The following KANK4 variants were observed in gnomAD, a reference collection of about 807,000 sequenced individuals.
The protein encoded by KANK4 is KN motif and ankyrin repeat domains 4.
KANK4 carries 50 observed loss-of-function variants against 80.8 expected under a neutral mutation model. That is an observed-to-expected ratio of 0.62 (90% confidence interval 0.49 to 0.78). The LOEUF (loss-of-function observed/expected upper bound fraction) is 0.78, where lower values mean the gene tolerates loss of function less well. Among genes scored for constraint, KANK4 ranks in the 30% least tolerant of loss-of-function variants. The pLI is 0.00. For synonymous variants in KANK4, 465 were observed against 506.9 expected (o/e 0.92, Z 1.11); for missense variants, 1,196 against 1,240.1 (o/e 0.96, Z 0.53).
In KANK4 at chr1:62,253,171, T is replaced by A. The variant is rs1180938886; in HGVS notation, c.2578A>T (p.Thr860Ser). Residue 860 changes from threonine (T) to serine (S), a missense_variant, in exon 8 of 10, where the codon ACT (threonine) becomes TCT (serine). Thr to Ser is a moderately conservative substitution (Grantham distance 58, BLOSUM62 1). This residue lies in a region of KANK4 where 1,154 missense variants were observed against 1,179.6 expected (regional missense o/e 0.98). Transcript: ENST00000371153. ...GCCAAGGGAGTGATCATTACGGCAG[T>A]GTAGCCAGCTTTGTTCTGATGGTCC... ...NVDHQNKAGY[T>S]AVMITPLASA... is the part of the protein sequence containing the mutation. 1.9e-6 allele frequency: 3 copies of A among 1,612,740 alleles called. No homozygotes were observed. Among genetic ancestry groups the A allele is most frequent in the East Asian group, 4.5e-5 (2 of 44,836 alleles).
intron 2 of KANK4, 55 bp downstream of exon 2, chr1:62,281,494 C>T (rs374984909): frequency 6.8e-6 from 11 of 1,610,838 alleles, no homozygotes; most frequent in Non-Finnish European, 8.5e-7. Flanking sequence ...GGCAACAATT[C>T]TTTCCCAGCC....
chr1:62,239,201 C>G (rs1346058517), intron 9 of KANK4, among the ~76,000 whole-genome samples: 1 of 151,784 alleles, frequency 6.6e-6, no homozygotes, highest in Non-Finnish European at 1.5e-5. Flanking sequence ...CAATCCTGTC[C>G]TGTCCTGCAC....
At position 62,274,082 on chromosome 1, in the gene KANK4, C is replaced by A; in HGVS notation, c.1022G>T (p.Ser341Ile). 6.2e-7 allele frequency: 1 copy of A among 1,614,182 alleles called. No homozygotes were observed. Among genetic ancestry groups the A allele is most frequent in the South Asian group, 1.1e-5 (1 of 91,080 alleles). Residue 341 changes from serine (S) to isoleucine (I), a missense_variant, in exon 3 of 10, where the codon AGC (serine) becomes ATC (isoleucine). This residue lies in a region of KANK4 where 1,154 missense variants were observed against 1,179.6 expected (regional missense o/e 0.98). Coordinates refer to ENST00000371153, the MANE Select transcript of KANK4 (RefSeq NM_181712.5). ...GACCTGCTGTTTCAGGCTGGAGATG[C>A]TGCCTGGATCCACCCTGGCAAGGCC... ...SLGLARVDPG[S>I]ISSLKQQVSA...
chr1:62,266,941 C>T (rs1400045832), intron 5 of KANK4, 122 bp from the exon 6 acceptor site: 4 of 624,606 alleles, frequency 6.4e-6, no homozygotes, highest in Non-Finnish European at 1.1e-5. Context: ...GGCAACTGCC[C>T]TAGGAGAGGG....
chr1:62,276,484 T>C (rs12031176), intron 2 of KANK4, among the ~76,000 whole-genome samples: 60,149 of 151,692 alleles, frequency 0.4, 12,670 homozygotes, highest in African/African-American at 0.53. Context: ...AATAAGATTA[T>C]TGTGAGGACG....
intron 1 of KANK4, among the ~76,000 whole-genome samples, chr1:62,299,043 T>C (rs1177419731): frequency 1.3e-5 from 2 of 151,750 alleles, no homozygotes; most frequent in Non-Finnish European, 2.9e-5. Context: ...AATTTAGGTG[T>C]TCCTGCCCAA....
chr1:62,309,669 C>A (rs1644482079), intron 1 of KANK4, among the ~76,000 whole-genome samples: 1 of 152,128 alleles, frequency 6.6e-6, no homozygotes, highest in Admixed American at 6.5e-5. Context: ...ATAATACAAT[C>A]TTTTTTGTCC....
chr1:62,313,058 C>T (rs1259361537), intron 1 of KANK4, among the ~76,000 whole-genome samples: 2 of 152,060 alleles, frequency 1.3e-5, no homozygotes, highest in African/African-American at 2.4e-5. Context: ...AATATTAAGA[C>T]ATTTTGAGGG....
In KANK4 at chr1:62,274,153, C is replaced by G; in HGVS notation, c.951G>C (p.Glu317Asp). 2 of 1,614,188 alleles carry G rather than the reference C, an allele frequency of 1.2e-6. No individual in the cohort carries two copies. Among genetic ancestry groups the G allele is most frequent in the Non-Finnish European group, 1.7e-6 (2 of 1,180,042 alleles). ...TGATGCCAATGCTTCTCATGTCCAC[C>G]TCTACAGGTGGCGGGGGTGGAATCT... ...ISEIPPPPPV[E>D]VDMRSIGIRV... The change falls in exon 3 of 10, where the codon GAG becomes GAC. Residue 317 changes from glutamate (E) to aspartate (D), a missense_variant. Physicochemically the swap from Glu to Asp is conservative, Grantham distance 45. Coordinates refer to ENST00000371153, the MANE Select transcript of KANK4 (RefSeq NM_181712.5).
At chr1:62,314,959 C>T (rs1362687402) in intron 1 of KANK4, among the ~76,000 whole-genome samples, 1 of 152,224 alleles carries the variant, frequency 6.6e-6, no homozygotes, top group Non-Finnish European at 1.5e-5. Flanking sequence ...ATCACATTCA[C>T]CATCTACGTA....
chr1:62,270,056 A>G (rs531035871), intron 4 of KANK4, among the ~76,000 whole-genome samples: 2 of 152,290 alleles, frequency 1.3e-5, no homozygotes, highest in Non-Finnish European at 2.9e-5. Flanking sequence ...TGTCCAGGAG[A>G]GGAGGCCTTT....
chr1:62,314,911 A>T (rs1462932172), intron 1 of KANK4, among the ~76,000 whole-genome samples: 3 of 152,342 alleles, frequency 2.0e-5, no homozygotes, highest in African/African-American at 7.2e-5. Context: ...ACGCTCGGCC[A>T]GCTTCTTCAG....
intron 2 of KANK4, among the ~76,000 whole-genome samples, chr1:62,275,531 A>G (rs1672288711): frequency 6.6e-6 from 1 of 152,228 alleles, no homozygotes; most frequent in Non-Finnish European, 1.5e-5. Flanking sequence ...GCTCAGCAGT[A>G]AAAAAGAAAT....
At position 62,281,574 on chromosome 1, in the gene KANK4, G is replaced by GC; in HGVS notation, c.-11dup. The GC allele has an allele frequency of 6.2e-7, 1 of 1,614,134 alleles. No homozygotes were observed. The highest frequency in any genetic ancestry group is 8.5e-7 in the Non-Finnish European group (1 of 1,179,970). On this transcript the variant is annotated 5_prime_UTR_variant, in exon 2 of 10. Transcript: ENST00000371153. ...CATCTGTCTTCTCCATCTTTGGAGC[G>GC]CTGACCCTCAGTGTCTCAGGCACTC...
intron 2 of KANK4, among the ~76,000 whole-genome samples, chr1:62,277,447 A>G (rs1203879165): frequency 2.0e-5 from 3 of 152,212 alleles, no homozygotes; most frequent in Non-Finnish European, 4.4e-5. Context: ...TTAAAGGTGG[A>G]GTCTACAATT....
At chr1:62,242,361 C>CAAAAAAAA (rs57320794) in intron 9 of KANK4, among the ~76,000 whole-genome samples, 57 of 66,140 alleles carry the variant, frequency 8.6e-4, no homozygotes, top group Non-Finnish European at 9.7e-4. Flanking sequence ...GACCATACCT[C>CAAAAAAAA]AAAAAAAAAA....
chr1:62,313,464 A>C (rs147575897), intron 1 of KANK4, among the ~76,000 whole-genome samples: 1,863 of 152,348 alleles, frequency 0.012, 15 homozygotes, highest in Non-Finnish European at 0.017. Flanking sequence ...CGGGGATAAT[A>C]AATGGTGAAG....
At position 62,236,978 on chromosome 1, in the gene KANK4, T is replaced by C. The variant is rs1371904192; in HGVS notation, c.*1299A>G. The C allele has an allele frequency of 6.6e-6, 1 of 152,110 alleles. No individual in the cohort carries two copies. Among genetic ancestry groups the C allele is most frequent in the Non-Finnish European group, 1.5e-5 (1 of 68,026 alleles). The allele number at this position is 152,110 out of a possible 1,614,324, so 9.4% of individuals were successfully genotyped here. A position where few individuals can be genotyped will look rare whatever the true frequency, so the allele number is the denominator to read the frequency against. On this transcript the variant is annotated 3_prime_UTR_variant, in exon 10 of 10. Coordinates refer to ENST00000371153, the MANE Select transcript of KANK4 (RefSeq NM_181712.5). ...TAGGTTGTATGACAATTTCTGTTTT[T>C]AGAGATGATGAAATTGCGGCCCAAG...
At chr1:62,261,682 C>A (rs771425135) in intron 7 of KANK4, among the ~76,000 whole-genome samples, 2 of 152,148 alleles carry the variant, frequency 1.3e-5, no homozygotes, top group Admixed American at 1.3e-4. Flanking sequence ...ACCTTCCAAG[C>A]AGGGTTCAGC....
Sources: gnomAD v4.1 joint callset for allele counts (sites outside exome capture counted in the v4.1 genomes callset) on GRCh38, gnomAD v4.1.1 for gene constraint, gnomAD v4.1.1 regional missense constraint, MANE v1.5 for transcripts, NCBI Gene and HGNC (gene_info 2026-07-23, HGNC 2026-07-21) for gene names.